Variants in GABPB2 observed in about 807,000 individuals in gnomAD.
The protein encoded by GABPB2 is GA-binding protein subunit beta-2.
GABPB2 carries 23 observed loss-of-function variants against 39.1 expected under a neutral mutation model. The observed-to-expected ratio is 0.59, with a 90% confidence interval of 0.42 to 0.83. The LOEUF (loss-of-function observed/expected upper bound fraction) is 0.83, where lower values mean the gene tolerates loss of function less well. GABPB2 is among the 40% of genes least tolerant of loss of function. The pLI is 0.00. For missense variants in GABPB2, 467 were observed against 541.1 expected (o/e 0.86, Z 1.36); for synonymous variants, 184 against 199.3 (o/e 0.92, Z 0.65).
In GABPB2 at chr1:151,124,759, T is replaced by A. The variant is rs1572009880; in HGVS notation, c.*6503T>A. 6.6e-6 allele frequency: 1 copy of A among 152,290 alleles called. No homozygotes were observed. The highest frequency in any genetic ancestry group is 2.1e-4 in the South Asian group (1 of 4,824). The allele number at this position is 152,290 out of a possible 1,614,324, so 9.4% of individuals were successfully genotyped here. The stretch of plus-strand genomic sequence containing the variant: ...CTCTATTTTATGTGGTGACTATATC[T>A]CAGAAGTACTACCCCTTCTGAGTAG... On this transcript the variant is annotated 3_prime_UTR_variant, in exon 9 of 9. Transcript: ENST00000368918.
chr1:151,104,814 C>CTTTCTTTCTTT (rs1402126253), intron 6 of GABPB2, among the ~76,000 whole-genome samples: 8 of 36,234 alleles, frequency 2.2e-4, no homozygotes, highest in East Asian at 2.5e-3. Flanking sequence ...TTCTTTCTTT[C>CTTTCTTTCTTT]CTTTCTTTCT....
intron 1 of GABPB2, chr1:151,072,962 T>C (rs587634312): frequency 6.6e-6 from 1 of 152,366 alleles, no homozygotes; most frequent in Non-Finnish European, 1.5e-5. Context: ...GACAGGGTCT[T>C]GCTCAGTACT....
At chr1:151,085,038 A>T (rs910174858) in intron 1 of GABPB2, among the ~76,000 whole-genome samples, 1 of 151,452 alleles carries the variant, frequency 6.6e-6, no homozygotes, top group African/African-American at 2.4e-5. Context: ...TCAAATCTGC[A>T]GTGAGCTGTG....
At chr1:151,082,392 CTTTTTTTTTTTT>C (rs35044606) in intron 1 of GABPB2, among the ~76,000 whole-genome samples, 8 of 48,000 alleles carry the variant, frequency 1.7e-4, no homozygotes, top group East Asian at 7.6e-4. Flanking sequence ...GTGGTAATTT[CTTTTTTTTTTTT>C]TTTTTTTTTT....
At chr1:151,081,048 T>G (rs1387685457) in intron 1 of GABPB2, among the ~76,000 whole-genome samples, 1 of 150,238 alleles carries the variant, frequency 6.7e-6, no homozygotes, top group Non-Finnish European at 1.5e-5. Context: ...AATTTTTTTG[T>G]ATTTTTAGTA....
At chr1:151,083,757 T>C (rs1366926751) in intron 1 of GABPB2, among the ~76,000 whole-genome samples, 1 of 151,456 alleles carries the variant, frequency 6.6e-6, no homozygotes, top group East Asian at 1.9e-4. Flanking sequence ...ATTATTATTT[T>C]TTGAGATGGA....
chr1:151,109,748 G>A lies in GABPB2; in HGVS notation c.922+2526G>A, dbSNP rs746306734. On this transcript the variant is annotated intron_variant, in intron 7 of 8. Transcript: ENST00000368918. Reference sequence around the variant, plus strand: ...TAGAATGCAGTGGCATGATTATGGCGCACTGCAGCCTCGACTTCCCAAGCA... The same window carrying A: ...TAGAATGCAGTGGCATGATTATGGCACACTGCAGCCTCGACTTCCCAAGCA... 4.0e-5 allele frequency among the ~76,000 whole-genome samples: 6 copies of A among 151,218 alleles called. No homozygotes were observed. In the East Asian group the frequency reaches 5.8e-4, roughly 15 times the overall value.
chr1:151,116,601 T>G (rs1205244598), intron 7 of GABPB2, among the ~76,000 whole-genome samples: 1 of 151,628 alleles, frequency 6.6e-6, no homozygotes, highest in South Asian at 2.1e-4. Context: ...ATTTCTGCAG[T>G]TTTTTTTGTT....
At chr1:151,111,067 G>T (rs1680384975) in intron 7 of GABPB2, among the ~76,000 whole-genome samples, 1 of 152,006 alleles carries the variant, frequency 6.6e-6, no homozygotes, top group Non-Finnish European at 1.5e-5. Context: ...AGCGCTTGAG[G>T]TCGGGATTTC....
At chr1:151,081,747 G>A (rs1677719651) in intron 1 of GABPB2, among the ~76,000 whole-genome samples, 1 of 151,662 alleles carries the variant, frequency 6.6e-6, no homozygotes, top group African/African-American at 2.4e-5. Context: ...CAATTCTTCC[G>A]CCTCAGCCTC....
chr1:151,097,903 A>G lies in GABPB2; in HGVS notation c.523A>G (p.Thr175Ala), dbSNP rs1571943281. 2.5e-6 allele frequency: 4 copies of G among 1,613,944 alleles called. No homozygotes were observed. In the African/African-American group the frequency reaches 5.3e-5, roughly 22 times the overall value. The change falls in exon 5 of 9, where the codon ACT becomes GCT. Residue 175 changes from threonine (T) to alanine (A), a missense_variant. By Grantham distance (58) the Thr-to-Ala change is moderately conservative (BLOSUM62 0). Transcript: ENST00000368918. ...TAATCCAGAGAGAGCCAACCCTGTG[A>G]CTGACCCTGTGAGTATGGCTGCTCC... ...NVNPERANPV[T>A]DPVSMAAPFI... is the part of the protein sequence containing the mutation.
At chr1:151,077,768 T>A (rs1179459354) in intron 1 of GABPB2, among the ~76,000 whole-genome samples, 1 of 146,678 alleles carries the variant, frequency 6.8e-6, no homozygotes, top group East Asian at 2.2e-4. Flanking sequence ...CTGACCAACA[T>A]GGTGAAACCC....
At chr1:151,105,457 A>ATACAAATG (rs1679889791) in intron 6 of GABPB2, among the ~76,000 whole-genome samples, 1 of 148,814 alleles carries the variant, frequency 6.7e-6, no homozygotes, top group South Asian at 2.1e-4. Context: ...ACAAATGTAT[A>ATACAAATG]TATATTTGAT....
chr1:151,079,915 CAATAAT>C (rs948495442), intron 1 of GABPB2, among the ~76,000 whole-genome samples: 19 of 150,302 alleles, frequency 1.3e-4, no homozygotes, highest in South Asian at 4.2e-4. Context: ...AAAATAATAA[CAATAAT>C]AATAATAAAA....
intron 1 of GABPB2, among the ~76,000 whole-genome samples, chr1:151,076,723 C>G (rs1677197564): frequency 6.6e-6 from 1 of 151,586 alleles, no homozygotes; most frequent in Non-Finnish European, 1.5e-5. Context: ...AGCCACTGTG[C>G]CTTGCCAGTC....
Position 151,121,974 on chromosome 1 carries a change from C to A in GABPB2, c.*3718C>A, listed in dbSNP as rs1412445719. On this transcript the variant is annotated 3_prime_UTR_variant, in exon 9 of 9. Coordinates refer to ENST00000368918, the MANE Select transcript of GABPB2 (RefSeq NM_144618.3). ...GAATATGGTTTTCTTAATTAGCAGT[C>A]ATGGGGAAAACATGCATTTTTAATT... 2 of 152,066 alleles carry A rather than the reference C, an allele frequency of 1.3e-5. No individual in the cohort carries two copies. The highest frequency in any genetic ancestry group is 2.9e-5 in the Non-Finnish European group (2 of 68,034). The allele number at this position is 152,066 out of a possible 1,614,324, so 9.4% of individuals were successfully genotyped here.
intron 1 of GABPB2, among the ~76,000 whole-genome samples, chr1:151,077,356 GTTTTTT>G (rs35650542): frequency 9.0e-6 from 1 of 110,632 alleles, no homozygotes; most frequent in Non-Finnish European, 1.7e-5. Flanking sequence ...CAACTCATAG[GTTTTTT>G]TTTTTTTTTT....
Position 151,083,259 on chromosome 1 carries a change from TTGA to T in GABPB2, c.1-4928_1-4926del, listed in dbSNP as rs375012862. ...AAAGTCTTTAATGTGAGTTACCAAGTTGATGGTGGTGGTTATAGATTTTCCAAA... is the reference window on the plus strand; with the variant it reads ...AAAGTCTTTAATGTGAGTTACCAAGTTGGTGGTGGTTATAGATTTTCCAAA... On this transcript the variant is annotated intron_variant, in intron 1 of 8. Transcript: ENST00000368918. Among the ~76,000 whole-genome samples, 432 of 152,306 alleles carry T rather than the reference TTGA, an allele frequency of 2.8e-3. 3 individuals are homozygous for T. Among genetic ancestry groups the T allele is most frequent in the African/African-American group, 9.3e-3 (386 of 41,572 alleles).
chr1:151,104,797 CTTTCT>C lies in GABPB2; in HGVS notation c.736+1130_736+1134del, dbSNP rs1426164600. On this transcript the variant is annotated intron_variant, in intron 6 of 8. Transcript: ENST00000368918. Reference sequence around the variant, plus strand: ...TCTCTCTTTCTTTCTTTCTTTCTTTCTTTCTTTTCTTTCTTTCCTTTCTTTCTTTC... The same window carrying C: ...TCTCTCTTTCTTTCTTTCTTTCTTTCTTTCTTTCTTTCCTTTCTTTCTTTC... Among the ~76,000 whole-genome samples, 280 of 54,096 alleles carry C rather than the reference CTTTCT, an allele frequency of 5.2e-3. 2 individuals are homozygous for C. Among genetic ancestry groups the C allele is most frequent in the African/African-American group, 0.014 (250 of 18,178 alleles). 35.5% of individuals were successfully genotyped at this position (54,096 alleles called of 152,430 possible). A position where few individuals can be genotyped will look rare whatever the true frequency, so the allele number is the denominator to read the frequency against.
Sources: allele counts gnomAD v4.1 joint callset (sites outside exome capture counted in the v4.1 genomes callset), GRCh38; gene constraint gnomAD v4.1.1; transcripts MANE v1.5; gene names NCBI Gene and HGNC (gene_info 2026-07-23, HGNC 2026-07-21).